The following CD80 variants were observed in gnomAD, a reference collection of about 807,000 sequenced individuals.
CD80 encodes the protein T-lymphocyte activation antigen CD80.
CD80 carries 13 observed loss-of-function variants against 27.1 expected under a neutral mutation model. The observed-to-expected ratio is 0.48, with a 90% CI of 0.31 to 0.76. The LOEUF is 0.76. Ranked by LOEUF, CD80 falls within the 30% of genes least tolerant of loss-of-function variation. The probability of loss-of-function intolerance (pLI) is 0.04; values close to 1 mark genes in which losing one functional copy is unlikely to be tolerated. For synonymous variants in CD80, 125 were observed against 125.5 expected, an observed-to-expected ratio of 1.00 and a Z score of 0.03; for missense variants, 277 against 347.9, an observed-to-expected ratio of 0.80 and a Z score of 1.62.
At chr3:119,556,805 A>C (rs1372915372) in intron 2 of CD80, among the ~76,000 whole-genome samples, 1 of 152,156 alleles carries the variant, frequency 6.6e-6, no homozygotes, top group Non-Finnish European at 1.5e-5. Context: ...GAAACTGGGA[A>C]GTATGCTGCT....
At chr3:119,556,742 G>A (rs906020172) in intron 2 of CD80, among the ~76,000 whole-genome samples, 1 of 152,050 alleles carries the variant, frequency 6.6e-6, no homozygotes, top group Non-Finnish European at 1.5e-5. Context: ...CTTAATAGTC[G>A]GGTCTTTGCA....
rs778350268 is a variant in CD80 at position 119,544,566 on chromosome 3, C to A, written c.402G>T (p.Val134=). 3.1e-6 allele frequency: 5 copies of A among 1,613,758 alleles called. No individual in the cohort carries two copies. In the South Asian group the frequency reaches 5.5e-5, roughly 18 times the overall value. ...DAFKREHLAE[V]TLSVKADFPT... ...CCCACCAACCTTTGACTGATAACGT[C>A]ACTTCAGCCAGGTGTTCCCGCTTGA... The change falls in exon 3 of 7, where the codon GTG becomes GTT. Residue 134 remains valine (V), a synonymous_variant. Transcript: ENST00000264246.
chr3:119,532,788 G>A (rs1377635672), intron 4 of CD80, among the ~76,000 whole-genome samples: 1 of 152,166 alleles, frequency 6.6e-6, no homozygotes, highest in African/African-American at 2.4e-5. Context: ...TGCCTTAGCT[G>A]AGATTTTTCT....
chr3:119,541,706 C>T (rs1376273652), intron 3 of CD80, among the ~76,000 whole-genome samples: 1 of 152,220 alleles, frequency 6.6e-6, no homozygotes, highest in African/African-American at 2.4e-5. Context: ...GGCTTATAAG[C>T]ATTTGAGAAA....
At chr3:119,535,775 A>G (rs957168599) in intron 4 of CD80, among the ~76,000 whole-genome samples, 2 of 152,190 alleles carry the variant, frequency 1.3e-5, no homozygotes, top group Non-Finnish European at 2.9e-5. Context: ...CCACAAAAAA[A>G]AATTGTTTGG....
At chr3:119,527,875 G>GTT in intron 5 of CD80, 34 bp from the exon 6 acceptor site, 1 of 1,574,804 alleles carries the variant, frequency 6.3e-7, no homozygotes, top group Non-Finnish European at 8.7e-7. Flanking sequence ...AAAATGATAA[G>GTT]TAAGTTTCCC....
chr3:119,528,000 G>A (rs911743566), intron 5 of CD80, among the ~76,000 whole-genome samples, 159 bp from the exon 6 acceptor site: 2 of 152,206 alleles, frequency 1.3e-5, no homozygotes, highest in East Asian at 3.9e-4. Context: ...TTACCTCTTT[G>A]CCAAGGGGAC....
chr3:119,544,997 A>T, intron 2 of CD80, 130 bp from the exon 3 acceptor site: 1 of 699,932 alleles, frequency 1.4e-6, no homozygotes, highest in Non-Finnish European at 2.4e-6. Context: ...ATCCAGTTTG[A>T]TTTTTGGGGT....
chr3:119,544,897 A>G (rs9282639), intron 2 of CD80, 30 bp from the exon 3 acceptor site: 2 of 1,569,698 alleles, frequency 1.3e-6, no homozygotes, highest in Non-Finnish European at 1.7e-6. Context: ...ACAAGATTGT[A>G]TATTTATTAA....
At chr3:119,544,904 T>A in intron 2 of CD80, 37 bp from the exon 3 acceptor site, 1 of 1,538,202 alleles carries the variant, frequency 6.5e-7, no homozygotes, top group Non-Finnish European at 8.9e-7. Context: ...TGTATATTTA[T>A]TAAATACAGA....
intron 2 of CD80, among the ~76,000 whole-genome samples, chr3:119,554,943 CTT>C (rs1282614426): frequency 6.6e-6 from 1 of 152,168 alleles, no homozygotes; most frequent in Non-Finnish European, 1.5e-5. Context: ...CCACTCTGTT[CTT>C]CAGTAACACT....
chr3:119,549,345 T>C (rs1354731123), intron 2 of CD80, among the ~76,000 whole-genome samples: 2 of 152,352 alleles, frequency 1.3e-5, no homozygotes, highest in African/African-American at 2.4e-5. Context: ...TCTGTGTCAA[T>C]AGCACCAAAA....
At chr3:119,556,429 A>G (rs182799093) in intron 2 of CD80, among the ~76,000 whole-genome samples, 41 of 145,576 alleles carry the variant, frequency 2.8e-4, no homozygotes, top group African/African-American at 1.0e-3. Flanking sequence ...ACTCCTCTGT[A>G]CTCCCCAGAA....
chr3:119,558,190 C>T (rs1374474237), intron 1 of CD80, among the ~76,000 whole-genome samples: 4 of 152,182 alleles, frequency 2.6e-5, no homozygotes, highest in African/African-American at 4.8e-5. Context: ...TCTAAGGACC[C>T]TCCATATCTG....
chr3:119,527,213 G>A (rs1227668288), intron 6 of CD80, among the ~76,000 whole-genome samples: 4 of 152,192 alleles, frequency 2.6e-5, no homozygotes, highest in African/African-American at 7.2e-5. Flanking sequence ...AAGCTTTGAA[G>A]CTTTTTCTGT....
intron 2 of CD80, among the ~76,000 whole-genome samples, chr3:119,553,783 A>G (rs1187897235): frequency 6.6e-6 from 1 of 152,250 alleles, no homozygotes; most frequent in Non-Finnish European, 1.5e-5. Context: ...TTCCCTGACT[A>G]TGAAATAAAC....
At chr3:119,558,808 G>A (rs949056925) in intron 1 of CD80, among the ~76,000 whole-genome samples, 1 of 151,730 alleles carries the variant, frequency 6.6e-6, no homozygotes, top group Non-Finnish European at 1.5e-5. Context: ...ATGTGAGGTG[G>A]CTAGGGATTA....
intron 2 of CD80, among the ~76,000 whole-genome samples, chr3:119,548,126 G>A (rs954671921): frequency 5.3e-5 from 8 of 151,938 alleles, no homozygotes; most frequent in Admixed American, 2.0e-4. Flanking sequence ...GATTACAGGC[G>A]CCCGCCATCA....
intron 4 of CD80, among the ~76,000 whole-genome samples, chr3:119,533,141 G>GTT (rs2082118844): frequency 6.6e-6 from 1 of 152,194 alleles, no homozygotes; most frequent in Non-Finnish European, 1.5e-5. Flanking sequence ...CCTAGAGAGA[G>GTT]TATGTGTGTG....
Sources: gnomAD v4.1 joint callset for allele counts (sites outside exome capture counted in the v4.1 genomes callset) on GRCh38, gnomAD v4.1.1 for gene constraint, MANE v1.5 for transcripts, NCBI Gene and HGNC (gene_info 2026-07-23, HGNC 2026-07-21) for gene names.